Variants in SLC25A21 observed in about 807,000 individuals in gnomAD.
SLC25A21 encodes mitochondrial 2-oxodicarboxylate carrier.
SLC25A21 carries 47 observed loss-of-function variants against 43.8 expected under a neutral mutation model. The observed-to-expected ratio is 1.07, with a 90% CI of 0.85 to 1.37. The LOEUF (loss-of-function observed/expected upper bound fraction) is 1.37, where lower values mean the gene tolerates loss of function less well. Among genes scored for constraint, SLC25A21 ranks in the 40% most tolerant of loss-of-function variants. The probability of loss-of-function intolerance (pLI) is 0.00; values close to 1 mark genes in which losing one functional copy is unlikely to be tolerated. For synonymous variants in SLC25A21, 131 were observed against 121.3 expected, an observed-to-expected ratio of 1.08 and a Z score of -0.52; for missense variants, 352 against 350.2, an observed-to-expected ratio of 1.00 and a Z score of -0.04.
chr14:36,780,559 T>G (rs534655976), intron 3 of SLC25A21, among the ~76,000 whole-genome samples: 6 of 152,212 alleles, frequency 3.9e-5, no homozygotes, highest in African/African-American at 1.4e-4. Context: ...AAGATATTTT[T>G]TGATTTCCCT....
At chr14:36,949,515 T>G (rs7143097) in intron 1 of SLC25A21, among the ~76,000 whole-genome samples, 81,692 of 152,018 alleles carry the variant, frequency 0.54, 23,328 homozygotes, top group Non-Finnish European at 0.62. Context: ...TAGTTTTCTT[T>G]CTCAGGAATT....
At chr14:37,058,652 C>T (rs963682987) in intron 1 of SLC25A21, among the ~76,000 whole-genome samples, 1 of 152,170 alleles carries the variant, frequency 6.6e-6, no homozygotes, top group Non-Finnish European at 1.5e-5. Context: ...ACAGAAGGTT[C>T]TCTGACATAT....
chr14:37,022,619 G>A (rs1280716634), intron 1 of SLC25A21, among the ~76,000 whole-genome samples: 3 of 151,796 alleles, frequency 2.0e-5, no homozygotes, highest in East Asian at 1.9e-4. Flanking sequence ...TTTTGTCTAC[G>A]AGTTTTGCTT....
intron 1 of SLC25A21, among the ~76,000 whole-genome samples, chr14:36,956,075 AC>A (rs1490185945): frequency 3.3e-5 from 5 of 152,092 alleles, no homozygotes; most frequent in Admixed American, 3.3e-4. Context: ...TGTCAGAGAT[AC>A]CCCCCACTAT....
At chr14:36,834,048 G>A (rs1889123383) in intron 2 of SLC25A21, among the ~76,000 whole-genome samples, 1 of 152,184 alleles carries the variant, frequency 6.6e-6, no homozygotes, top group African/African-American at 2.4e-5. Flanking sequence ...TTGGTCATTT[G>A]TCTCACAACC....
chr14:36,886,841 T>G (rs1890929368), intron 1 of SLC25A21, among the ~76,000 whole-genome samples: 1 of 152,194 alleles, frequency 6.6e-6, no homozygotes, highest in Admixed American at 6.5e-5. Flanking sequence ...TGTCTTCCTC[T>G]TTGTTATTTA....
At chr14:36,916,601 T>C (rs1480535733) in intron 1 of SLC25A21, among the ~76,000 whole-genome samples, 1 of 152,192 alleles carries the variant, frequency 6.6e-6, no homozygotes, top group Non-Finnish European at 1.5e-5. Flanking sequence ...CATAAATTGT[T>C]GCTTTTGTTT....
intron 1 of SLC25A21, among the ~76,000 whole-genome samples, chr14:36,978,570 G>A (rs560226884): frequency 2.0e-4 from 31 of 152,276 alleles, no homozygotes; most frequent in African/African-American, 7.0e-4. Context: ...AACGAGGTAT[G>A]CCTGTACTTA....
intron 1 of SLC25A21, among the ~76,000 whole-genome samples, chr14:37,029,051 T>C (rs1961151920): frequency 6.6e-6 from 1 of 152,196 alleles, no homozygotes; most frequent in Admixed American, 6.5e-5. Flanking sequence ...TATTCTCCAA[T>C]ATGTTTCCAC....
chr14:37,140,309 C>T (rs1217160828), intron 1 of SLC25A21, among the ~76,000 whole-genome samples: 2 of 152,188 alleles, frequency 1.3e-5, no homozygotes, highest in African/African-American at 4.8e-5. Flanking sequence ...AGGGCAAGAA[C>T]TATGACTTAC....
At chr14:36,888,126 C>T (rs1422809077) in intron 1 of SLC25A21, among the ~76,000 whole-genome samples, 5 of 152,136 alleles carry the variant, frequency 3.3e-5, no homozygotes, top group Non-Finnish European at 7.3e-5. Context: ...GAAACACTTA[C>T]CAGCATGCTA....
chr14:37,036,780 T>C (rs1961336136), intron 1 of SLC25A21, among the ~76,000 whole-genome samples: 1 of 152,122 alleles, frequency 6.6e-6, no homozygotes, highest in African/African-American at 2.4e-5. Context: ...GGGGAAGTGG[T>C]TTCTCAACAT....
chr14:36,800,505 T>C (rs762070122), intron 3 of SLC25A21, among the ~76,000 whole-genome samples: 2 of 152,158 alleles, frequency 1.3e-5, no homozygotes, highest in Non-Finnish European at 2.9e-5. Flanking sequence ...ATTGTATGAT[T>C]CCACTTACAT....
chr14:36,954,292 C>T (rs1440433359), intron 1 of SLC25A21, among the ~76,000 whole-genome samples: 1 of 152,058 alleles, frequency 6.6e-6, no homozygotes, highest in Non-Finnish European at 1.5e-5. Context: ...GGCCTCTCCA[C>T]CTTTGTTGTC....
At chr14:36,729,484 G>A (rs1276179444) in intron 5 of SLC25A21, 23 bp downstream of exon 5, 11 of 1,559,560 alleles carry the variant, frequency 7.1e-6, no homozygotes, top group African/African-American at 1.4e-5. Context: ...ACACATTTAA[G>A]TATAATAAAT....
chr14:36,779,266 AATAT>A (rs898968418), intron 3 of SLC25A21, among the ~76,000 whole-genome samples: 1 of 145,652 alleles, frequency 6.9e-6, no homozygotes, highest in African/African-American at 2.5e-5. Flanking sequence ...AATATATAAG[AATAT>A]ATAAGAATTC....
In SLC25A21 at chr14:37,100,679, T is replaced by C. The variant is rs929139656; in HGVS notation, c.70+71602A>G. On this transcript the variant is annotated intron_variant, in intron 1 of 9. Coordinates refer to ENST00000331299, the MANE Select transcript of SLC25A21 (RefSeq NM_030631.4). ...AAGTTCTCCATCCCTATGGACTACATCTAGATATCCTCTTGGAAGGACAGA... is the reference window on the plus strand; with the variant it reads ...AAGTTCTCCATCCCTATGGACTACACCTAGATATCCTCTTGGAAGGACAGA... 2.3e-4 allele frequency among the ~76,000 whole-genome samples: 35 copies of C among 152,170 alleles called. 1 individual carries two copies. The highest frequency in any genetic ancestry group is 7.2e-4 in the African/African-American group (30 of 41,438).
chr14:36,894,731 TGA>T, intron 1 of SLC25A21, among the ~76,000 whole-genome samples: 1 of 152,320 alleles, frequency 6.6e-6, no homozygotes, highest in East Asian at 1.9e-4. Flanking sequence ...CCTAATTTAT[TGA>T]GAGTTTTTAG....
At chr14:36,891,675 C>T (rs1485598816) in intron 1 of SLC25A21, among the ~76,000 whole-genome samples, 1 of 152,024 alleles carries the variant, frequency 6.6e-6, no homozygotes, top group African/African-American at 2.4e-5. Flanking sequence ...AGCAAGATGG[C>T]GTTTCCCAGA....
Sources: allele counts gnomAD v4.1 joint callset (sites outside exome capture counted in the v4.1 genomes callset), GRCh38; gene constraint gnomAD v4.1.1; transcripts MANE v1.5; gene names NCBI Gene and HGNC (gene_info 2026-07-23, HGNC 2026-07-21).